Variants in CYP2C8 observed in about 807,000 individuals in gnomAD.
CYP2C8 encodes the protein cytochrome P450 family 2 subfamily C member 8.
Under a neutral mutation model 41.3 loss-of-function variants are expected in CYP2C8, and 51 were observed. That is an observed-to-expected ratio of 1.24 (90% CI 0.99 to 1.56). The LOEUF is 1.56. Among genes scored for constraint, CYP2C8 ranks in the 40% most tolerant of loss-of-function variants. The pLI is 0.00. For synonymous variants in CYP2C8, 218 were observed against 205.8 expected (o/e 1.06, Z -0.51); for missense variants, 651 against 579.9 (o/e 1.12, Z -1.26).
At chr10:95,055,306 C>T (rs533066326) in intron 5 of CYP2C8, among the ~76,000 whole-genome samples, 11 of 152,090 alleles carry the variant, frequency 7.2e-5, no homozygotes, top group East Asian at 1.9e-4. Flanking sequence ...CATCTATGCC[C>T]GGTTCATTTT....
intron 1 of CYP2C8, among the ~76,000 whole-genome samples, chr10:95,068,400 A>G (rs562507704): frequency 6.6e-6 from 1 of 152,306 alleles, no homozygotes; most frequent in African/African-American, 2.4e-5. Context: ...GAATTCTGTT[A>G]ACTACCTATT....
At position 95,067,514 on chromosome 10, in the gene CYP2C8, A is replaced by C. The variant is rs775805017; in HGVS notation, c.331+15T>G. 8.1e-6 allele frequency: 13 copies of C among 1,614,038 alleles called. No homozygotes were observed. The highest frequency in any genetic ancestry group is 5.3e-5 in the African/African-American group (4 of 74,934). Reference sequence around the variant, plus strand: ...CCCCAGTTACCAAAGCTGACACAGAAATATGTGCACCTACCAAGTCCTTTA... The same window carrying C: ...CCCCAGTTACCAAAGCTGACACAGACATATGTGCACCTACCAAGTCCTTTA... On this transcript the variant is annotated intron_variant, in intron 2 of 8. Coordinates refer to ENST00000371270, the MANE Select transcript of CYP2C8 (RefSeq NM_000770.3).
In CYP2C8 at chr10:95,067,653, A is replaced by G; in HGVS notation, c.207T>C (p.Phe69=). ...GAAACACCACTATGGGATTCATGCC[A>G]AAATACACGGTGAACACAGGACCAT... ...KVYGPVFTVY[F]GMNPIVVFHG... is the part of the protein sequence containing the mutation. Residue 69 remains phenylalanine, a synonymous_variant, in exon 2 of 9, where the codon TTT becomes TTC. Coordinates refer to ENST00000371270, the MANE Select transcript of CYP2C8 (RefSeq NM_000770.3). 6.2e-7 allele frequency: 1 copy of G among 1,614,186 alleles called. No homozygotes were observed. The highest frequency in any genetic ancestry group is 8.5e-7 in the Non-Finnish European group (1 of 1,180,034).
At chr10:95,040,991 G>T (rs562123715) in intron 7 of CYP2C8, 7 of 456,068 alleles carry the variant, frequency 1.5e-5, no homozygotes, top group South Asian at 1.1e-4. Context: ...AAGAAAAATT[G>T]CAGACCAAAA....
intron 4 of CYP2C8, among the ~76,000 whole-genome samples, chr10:95,060,119 C>A: frequency 6.6e-6 from 1 of 152,048 alleles, no homozygotes; most frequent in East Asian, 1.9e-4. Context: ...ATTGACTTGA[C>A]AATGCGGGCT....
intron 7 of CYP2C8, among the ~76,000 whole-genome samples, chr10:95,042,523 C>T (rs2033023680): frequency 6.6e-6 from 1 of 152,058 alleles, no homozygotes; most frequent in African/African-American, 2.4e-5. Context: ...GAATAAAGCT[C>T]AATAAGTTGG....
intron 5 of CYP2C8, among the ~76,000 whole-genome samples, chr10:95,057,764 C>T (rs1344339834): frequency 6.6e-6 from 1 of 152,128 alleles, no homozygotes; most frequent in Non-Finnish European, 1.5e-5. Flanking sequence ...CACAGGTTAC[C>T]TGATAAACAT....
At chr10:95,066,657 A>G (rs1354362616) in intron 3 of CYP2C8, among the ~76,000 whole-genome samples, 1 of 152,220 alleles carries the variant, frequency 6.6e-6, no homozygotes, top group Non-Finnish European at 1.5e-5. Flanking sequence ...TACCTAAGCA[A>G]GTAAAACCAT....
intron 1 of CYP2C8, among the ~76,000 whole-genome samples, chr10:95,068,036 G>C (rs1377608727): frequency 1.3e-5 from 2 of 152,186 alleles, no homozygotes; most frequent in African/African-American, 4.8e-5. Flanking sequence ...GTAATATGTA[G>C]AAGCTCCAAA....
intron 4 of CYP2C8, among the ~76,000 whole-genome samples, chr10:95,063,233 T>C (rs776177935): frequency 8.5e-5 from 13 of 152,226 alleles, no homozygotes; most frequent in Non-Finnish European, 1.0e-4. Context: ...CTGCAGAGTG[T>C]TTTCCAACTC....
chr10:95,063,977 C>G (rs1279382231), intron 4 of CYP2C8, among the ~76,000 whole-genome samples: 1 of 152,178 alleles, frequency 6.6e-6, no homozygotes, highest in Non-Finnish European at 1.5e-5. Flanking sequence ...GCTGCCCGAT[C>G]GTTCCTCTGG....
intron 8 of CYP2C8, 116 bp from the exon 9 acceptor site, chr10:95,037,425 G>C: frequency 1.2e-6 from 1 of 861,694 alleles, no homozygotes. Flanking sequence ...TTAATGATTG[G>C]GTAGATGAAT....
chr10:95,068,546 C>G, intron 1 of CYP2C8: 4 of 1,237,658 alleles, frequency 3.2e-6, no homozygotes, highest in Non-Finnish European at 4.2e-6. Flanking sequence ...AAACACATGA[C>G]TACTATAGTA....
In CYP2C8 at chr10:95,069,271, C is replaced by A. The variant is rs774695111; in HGVS notation, c.132G>T (p.Gln44His). Reference sequence around the variant, plus strand: ...ATTTGCAGATGTCCTTAACATCTATCTGTAGCATATTTCCAATAATAGGAA... The same window carrying A: ...ATTTGCAGATGTCCTTAACATCTATATGTAGCATATTTCCAATAATAGGAA... ...TPLPIIGNMLQIDVKDICKSF... is the reference protein window; with the variant it reads ...TPLPIIGNMLHIDVKDICKSF... The change falls in exon 1 of 9, where the codon CAG becomes CAT. Residue 44 changes from glutamine to histidine, a missense_variant. By Grantham distance (24) the Gln-to-His change is conservative. Coordinates refer to ENST00000371270, the MANE Select transcript of CYP2C8 (RefSeq NM_000770.3). 1 of 1,614,072 alleles carries A rather than the reference C, an allele frequency of 6.2e-7. No individual in the cohort carries two copies. The highest frequency in any genetic ancestry group is 1.7e-5 in the Admixed American group (1 of 59,994).
chr10:95,037,098 C>A lies in CYP2C8; in HGVS notation c.*30G>T. On this transcript the variant is annotated 3_prime_UTR_variant, in exon 9 of 9. Transcript: ENST00000371270. Reference sequence around the variant, plus strand: ...ATAAAAAAAGAGTTGCAGGTGATAGCAGATCGGCAGCCAGATGGGCTAGCA... The same window carrying A: ...ATAAAAAAAGAGTTGCAGGTGATAGAAGATCGGCAGCCAGATGGGCTAGCA... 6.2e-7 allele frequency: 1 copy of A among 1,604,718 alleles called. No homozygotes were observed. The highest frequency in any genetic ancestry group is 8.5e-7 in the Non-Finnish European group (1 of 1,171,878).
At chr10:95,064,516 G>A (rs2033516908) in intron 4 of CYP2C8, among the ~76,000 whole-genome samples, 1 of 152,100 alleles carries the variant, frequency 6.6e-6, no homozygotes, top group African/African-American at 2.4e-5. Flanking sequence ...AATTTTCCAG[G>A]TGCCATCTGT....
In CYP2C8 at chr10:95,067,660, A is replaced by G; in HGVS notation, c.200T>C (p.Val67Ala). The change falls in exon 2 of 9, where the codon GTG (valine) becomes GCG (alanine). Residue 67 changes from valine (V) to alanine (A), a missense_variant. Val to Ala is a moderately conservative substitution (Grantham distance 64). Transcript: ENST00000371270. ...CACTATGGGATTCATGCCAAAATAC[A>G]CGGTGAACACAGGACCATAGACTTT... ...FSKVYGPVFT[V>A]YFGMNPIVVF... The G allele has an allele frequency of 6.2e-7, 1 of 1,614,106 alleles. No individual in the cohort carries two copies. Among genetic ancestry groups the G allele is most frequent in the Non-Finnish European group, 8.5e-7 (1 of 1,180,002 alleles).
rs1224675286 is a variant in CYP2C8, at chr10:95,037,005, TG to T, written c.*122del. 14 of 898,884 alleles carry T rather than the reference TG, an allele frequency of 1.6e-5. No homozygotes were observed. The African/African-American group carries it at 2.1e-4, about 14-fold the overall frequency. 55.7% of individuals were successfully genotyped at this position (898,884 alleles called of 1,614,324 possible). ...CTCCTTAATGGAGTTTGGATGCTTA[TG>T]GGATATTGAGTGAATGGGAAGATTT... On this transcript the variant is annotated 3_prime_UTR_variant, in exon 9 of 9. Transcript: ENST00000371270.
chr10:95,062,012 T>C (rs573257610), intron 4 of CYP2C8, among the ~76,000 whole-genome samples: 9 of 152,334 alleles, frequency 5.9e-5, no homozygotes, highest in Admixed American at 2.6e-4. Flanking sequence ...AGACAATTTG[T>C]TGTAATTTCT....
Sources: allele counts gnomAD v4.1 joint callset (sites outside exome capture counted in the v4.1 genomes callset), GRCh38; gene constraint gnomAD v4.1.1; transcripts MANE v1.5; gene names NCBI Gene and HGNC (gene_info 2026-07-23, HGNC 2026-07-21).